The following KATNAL1 variants were observed in gnomAD, a reference collection of about 807,000 sequenced individuals.
The protein encoded by KATNAL1 is katanin catalytic subunit A1 like 1.
A neutral mutation model predicts 55.2 loss-of-function variants in KATNAL1; 32 were observed. That is an observed-to-expected ratio of 0.58 (90% CI 0.44 to 0.78). KATNAL1 has a LOEUF of 0.78. KATNAL1 is among the 30% of genes least tolerant of loss of function. KATNAL1 has a pLI of 0.00. For missense variants in KATNAL1, 466 were observed against 600.9 expected (o/e 0.78, Z 2.35); for synonymous variants, 193 against 193.6 (o/e 1.00, Z 0.02).
chr13:30,242,592 C>T lies in KATNAL1; in HGVS notation c.493-1506G>A, dbSNP rs144552173. Among the ~76,000 whole-genome samples, 28 of 152,080 alleles carry T rather than the reference C, an allele frequency of 1.8e-4. No homozygotes were observed. In the East Asian group the frequency reaches 3.7e-3, roughly 20 times the overall value. ...GTAGCCAGTATAATAAAATGTATTG[C>T]GCAGAAGAAAGAGGTTGAAGATATG... On this transcript the variant is annotated intron_variant, in intron 4 of 10. Transcript: ENST00000380615.
chr13:30,281,935 T>TA (rs575081776), intron 2 of KATNAL1: 79 of 152,282 alleles, frequency 5.2e-4, no homozygotes, highest in African/African-American at 1.9e-3. Flanking sequence ...AACACGAGCT[T>TA]AAATAATAAG....
chr13:30,278,872 T>G (rs559185613), intron 3 of KATNAL1, among the ~76,000 whole-genome samples: 1 of 152,196 alleles, frequency 6.6e-6, no homozygotes, highest in Non-Finnish European at 1.5e-5. Context: ...TACCCTAGTA[T>G]AAAACACCTG....
chr13:30,210,236 C>G, intron 10 of KATNAL1, 80 bp downstream of exon 10: 1 of 1,242,326 alleles, frequency 8.0e-7, no homozygotes, highest in Non-Finnish European at 1.1e-6. Context: ...CTACACTGGG[C>G]TAACTACATT....
At chr13:30,268,311 T>C (rs1006262256) in intron 3 of KATNAL1, among the ~76,000 whole-genome samples, 2 of 151,966 alleles carry the variant, frequency 1.3e-5, no homozygotes, top group Non-Finnish European at 2.9e-5. Flanking sequence ...TCACCAGAAA[T>C]AACAAAAAGC....
intron 4 of KATNAL1, among the ~76,000 whole-genome samples, chr13:30,247,480 G>A (rs1011539625): frequency 3.9e-5 from 6 of 152,068 alleles, no homozygotes; most frequent in South Asian, 2.1e-4. Context: ...TGAGGATATC[G>A]CAGTGAACCA....
intron 8 of KATNAL1, among the ~76,000 whole-genome samples, chr13:30,228,272 T>C (rs1036029986): frequency 2.0e-5 from 3 of 152,218 alleles, no homozygotes; most frequent in South Asian, 2.1e-4. Context: ...GATAAGACTT[T>C]CTAGTCTAGC....
intron 1 of KATNAL1, among the ~76,000 whole-genome samples, chr13:30,290,252 T>A (rs1018096536): frequency 7.2e-5 from 11 of 151,854 alleles, no homozygotes; most frequent in Non-Finnish European, 1.2e-4. Flanking sequence ...AAAATTTCAA[T>A]GTAGCCAAAA....
In KATNAL1 at chr13:30,208,026, C is replaced by T. The variant is rs1033186184; in HGVS notation, c.*514G>A. 5 of 152,176 alleles carry T rather than the reference C, an allele frequency of 3.3e-5. No homozygotes were observed. Among genetic ancestry groups the T allele is most frequent in the Non-Finnish European group, 7.3e-5 (5 of 68,052 alleles). 9.4% of individuals were successfully genotyped at this position (152,176 alleles called of 1,614,324 possible). A position where few individuals can be genotyped will look rare whatever the true frequency, so the allele number is the denominator to read the frequency against. On this transcript the variant is annotated 3_prime_UTR_variant, in exon 11 of 11. Transcript: ENST00000380615. Reference sequence around the variant, plus strand: ...AAAAATTCTAACCATATGACAGACTCTAACAGTAAGTCATAAATTCTAAAG... The same window carrying T: ...AAAAATTCTAACCATATGACAGACTTTAACAGTAAGTCATAAATTCTAAAG...
At chr13:30,227,920 G>A (rs867198843) in intron 8 of KATNAL1, among the ~76,000 whole-genome samples, 12 of 151,900 alleles carry the variant, frequency 7.9e-5, no homozygotes, top group South Asian at 4.2e-4. Context: ...ATAAAGTTCC[G>A]CAAAAATTTT....
chr13:30,298,367 C>T (rs566010554), intron 1 of KATNAL1, among the ~76,000 whole-genome samples: 1 of 152,294 alleles, frequency 6.6e-6, no homozygotes, highest in East Asian at 1.9e-4. Flanking sequence ...TGAGTAGTAT[C>T]CCATTATATA....
Position 30,208,193 on chromosome 13 carries a change from G to GAAA in KATNAL1, c.*344_*346dup. On this transcript the variant is annotated 3_prime_UTR_variant, in exon 11 of 11. Coordinates refer to ENST00000380615, the MANE Select transcript of KATNAL1 (RefSeq NM_032116.5). The stretch of plus-strand genomic sequence containing the variant: ...CTCATGTTGACAGAGCACAGAATTG[G>GAAA]AAAAAAAAACTGCAAATGAGAAATA... The GAAA allele has an allele frequency of 5.9e-6, 1 of 168,394 alleles. No individual in the cohort carries two copies. The highest frequency in any genetic ancestry group is 1.3e-5 in the Non-Finnish European group (1 of 79,570). 10.4% of individuals were successfully genotyped at this position (168,394 alleles called of 1,614,324 possible). A position where few individuals can be genotyped will look rare whatever the true frequency, so the allele number is the denominator to read the frequency against.
intron 9 of KATNAL1, among the ~76,000 whole-genome samples, chr13:30,214,255 C>G (rs564062510): frequency 9.9e-5 from 15 of 152,238 alleles, no homozygotes; most frequent in South Asian, 2.1e-4. Context: ...ACAAACCACT[C>G]CTCAATGAAA....
intron 9 of KATNAL1, among the ~76,000 whole-genome samples, chr13:30,226,470 T>G (rs1875479222): frequency 6.6e-6 from 1 of 152,162 alleles, no homozygotes; most frequent in Non-Finnish European, 1.5e-5. Context: ...CAAGTGAAAG[T>G]AGCCAGACAC....
intron 3 of KATNAL1, among the ~76,000 whole-genome samples, chr13:30,269,254 G>A (rs1397603133): frequency 4.6e-5 from 7 of 152,340 alleles, no homozygotes; most frequent in East Asian, 3.9e-4. Context: ...ACTGGTTTTC[G>A]TATTTTTTTG....
intron 10 of KATNAL1, among the ~76,000 whole-genome samples, chr13:30,209,205 C>T (rs990377492): frequency 2.0e-5 from 3 of 152,202 alleles, no homozygotes; most frequent in Non-Finnish European, 4.4e-5. Flanking sequence ...CATGGAATTC[C>T]CTACATGGAG....
intron 9 of KATNAL1, among the ~76,000 whole-genome samples, chr13:30,217,894 T>G (rs1438404376): frequency 6.6e-6 from 1 of 152,038 alleles, no homozygotes; most frequent in Non-Finnish European, 1.5e-5. Context: ...GACAGAAGTG[T>G]CCTTTTCCTG....
intron 3 of KATNAL1, among the ~76,000 whole-genome samples, chr13:30,269,822 G>A (rs1194130100): frequency 6.7e-6 from 1 of 150,106 alleles, no homozygotes; most frequent in Non-Finnish European, 1.5e-5. Context: ...GAGAAGTGAG[G>A]AGCCCCTCCG....
intron 9 of KATNAL1, among the ~76,000 whole-genome samples, chr13:30,214,454 C>A (rs528853252): frequency 1.3e-5 from 2 of 151,996 alleles, no homozygotes; most frequent in African/African-American, 4.8e-5. Context: ...AAAAAGAGCC[C>A]ACGTCGCCAA....
At chr13:30,243,541 G>C (rs1469879321) in intron 4 of KATNAL1, among the ~76,000 whole-genome samples, 1 of 134,966 alleles carries the variant, frequency 7.4e-6, no homozygotes, top group Non-Finnish European at 1.5e-5. Context: ...GGAAACTAGA[G>C]ACATTTAAGC....
Sources: allele counts gnomAD v4.1 joint callset (sites outside exome capture counted in the v4.1 genomes callset), GRCh38; gene constraint gnomAD v4.1.1; transcripts MANE v1.5; gene names NCBI Gene and HGNC (gene_info 2026-07-23, HGNC 2026-07-21).